The following ZNF618 variants were observed in gnomAD, a reference collection of about 807,000 sequenced individuals.
ZNF618 encodes the protein zinc finger protein 618.
In ZNF618, 34 loss-of-function variants were observed where a neutral mutation model predicts 103.0. The ratio of observed to expected loss-of-function variants is 0.33; its 90% CI spans 0.25 to 0.44. The LOEUF is 0.44. Ranked by LOEUF, ZNF618 falls within the 20% of genes least tolerant of loss-of-function variation. The pLI is 1.00. For synonymous variants in ZNF618, 551 were observed against 542.2 expected, an observed-to-expected ratio of 1.02 and a Z score of -0.23; for missense variants, 1,059 against 1,295.4, an observed-to-expected ratio of 0.82 and a Z score of 2.80.
intron 1 of ZNF618, among the ~76,000 whole-genome samples, chr9:113,935,519 T>C (rs1833952272): frequency 6.6e-6 from 1 of 152,188 alleles, no homozygotes; most frequent in Non-Finnish European, 1.5e-5. Context: ...GAGCGTGTCC[T>C]TGTTGCGGGT....
intron 1 of ZNF618, among the ~76,000 whole-genome samples, chr9:113,953,348 A>G (rs1354078060): frequency 6.6e-6 from 1 of 152,186 alleles, no homozygotes; most frequent in Admixed American, 6.5e-5. Flanking sequence ...TCATCCTAAT[A>G]CCTGCCTCTA....
intron 6 of ZNF618, among the ~76,000 whole-genome samples, chr9:114,005,775 A>T (rs1468771966): frequency 6.6e-6 from 1 of 152,336 alleles, no homozygotes; most frequent in Non-Finnish European, 1.5e-5. Context: ...TGCTGGCTAC[A>T]TGAAAGGATT....
intron 1 of ZNF618, among the ~76,000 whole-genome samples, chr9:113,938,305 C>T (rs1834216669): frequency 6.7e-6 from 1 of 149,372 alleles, no homozygotes; most frequent in Admixed American, 6.7e-5. Flanking sequence ...TCCCAAGTAG[C>T]TGGGGCTACA....
At chr9:114,020,294 C>G (rs1441914775) in intron 10 of ZNF618, among the ~76,000 whole-genome samples, 2 of 152,072 alleles carry the variant, frequency 1.3e-5, no homozygotes, top group African/African-American at 4.8e-5. Flanking sequence ...TTTGGCTATT[C>G]TAGAAACTTT....
chr9:113,901,423 G>C (rs1438012177), intron 1 of ZNF618, among the ~76,000 whole-genome samples: 1 of 152,224 alleles, frequency 6.6e-6, no homozygotes, highest in Admixed American at 6.5e-5. Context: ...CTGCTCTTGC[G>C]GCTGAGCTAG....
chr9:113,889,771 T>G (rs1829450697), intron 1 of ZNF618, among the ~76,000 whole-genome samples: 1 of 152,168 alleles, frequency 6.6e-6, no homozygotes, highest in Non-Finnish European at 1.5e-5. Context: ...TTTCCACCCT[T>G]CAGACGTCTG....
intron 2 of ZNF618, among the ~76,000 whole-genome samples, chr9:113,972,561 G>A (rs1159940157): frequency 2.6e-5 from 4 of 151,996 alleles, no homozygotes; most frequent in Non-Finnish European, 4.4e-5. Context: ...TGGTGGGAAG[G>A]GATCAGTTAA....
chr9:113,899,340 T>C (rs1460334455), intron 1 of ZNF618, among the ~76,000 whole-genome samples: 1 of 152,114 alleles, frequency 6.6e-6, no homozygotes, highest in Non-Finnish European at 1.5e-5. Flanking sequence ...CATTCCACTT[T>C]CTGTCTGTGT....
Position 113,995,644 on chromosome 9 carries a change from G to T in ZNF618, c.338-2615G>T, listed in dbSNP as rs567535102. On this transcript the variant is annotated intron_variant, in intron 3 of 14. Transcript: ENST00000374126. Reference sequence around the variant, plus strand: ...GTTGTATGCCAGAAATCACACAGGGGTCTATCATCAGATGATATTTTTAAT... The same window carrying T: ...GTTGTATGCCAGAAATCACACAGGGTTCTATCATCAGATGATATTTTTAAT... 7.0e-4 allele frequency among the ~76,000 whole-genome samples: 106 copies of T among 152,226 alleles called. 1 individual carries two copies. Among genetic ancestry groups the T allele is most frequent in the African/African-American group, 2.5e-3 (105 of 41,550 alleles).
rs1842676718 is a variant in ZNF618, at chr9:114,016,780, C to G, written c.840C>G (p.Pro280=). 1 of 1,612,440 alleles carries G rather than the reference C, an allele frequency of 6.2e-7. No individual in the cohort carries two copies. Among genetic ancestry groups the G allele is most frequent in the Non-Finnish European group, 8.5e-7 (1 of 1,179,110 alleles). The change falls in exon 10 of 15, where the codon CCC becomes CCG. Residue 280 remains proline (P), a synonymous_variant. Transcript: ENST00000374126. ...AGGAGCATGTGGCCTTACACGCCCC[C>G]ATCAGTGAGTACCTCCTCCCGGTAG... ...PYQEHVALHA[P]ISTAPGWEPP... is the part of the protein sequence containing the mutation.
chr9:114,003,394 T>C (rs10739398), intron 6 of ZNF618, among the ~76,000 whole-genome samples: 48,810 of 152,136 alleles, frequency 0.32, 8,754 homozygotes, highest in East Asian at 0.61. Flanking sequence ...GAAACGGGTG[T>C]ATATCTGCTG....
intron 1 of ZNF618, among the ~76,000 whole-genome samples, chr9:113,884,198 A>G (rs934627968): frequency 7.9e-5 from 12 of 152,184 alleles, no homozygotes; most frequent in African/African-American, 2.9e-4. Flanking sequence ...AGCCACATGC[A>G]TGAGCTGGCC....
chr9:113,997,164 G>C (rs146792296), intron 3 of ZNF618, among the ~76,000 whole-genome samples: 195 of 151,330 alleles, frequency 1.3e-3, no homozygotes, highest in African/African-American at 4.3e-3. Context: ...CTGGAGTGCA[G>C]TGGCATAATC....
intron 1 of ZNF618, among the ~76,000 whole-genome samples, chr9:113,934,070 AAGAACTGATTGATCAGAGTCAGATG>A (rs1231055854): frequency 1.3e-5 from 2 of 152,172 alleles, no homozygotes; most frequent in Non-Finnish European, 2.9e-5. Flanking sequence ...AAGGAGATCC[AAGAACTGATTGATCAGAGTCAGATG>A]AGTTGTTAGT....
intron 1 of ZNF618, among the ~76,000 whole-genome samples, chr9:113,900,675 G>A (rs1198914596): frequency 6.8e-6 from 1 of 147,104 alleles, no homozygotes; most frequent in African/African-American, 2.6e-5. Context: ...GTCCTCTCCC[G>A]CAAACCCGAC....
intron 10 of ZNF618, among the ~76,000 whole-genome samples, chr9:114,021,042 T>C (rs35354748): frequency 6.6e-6 from 1 of 152,090 alleles, no homozygotes; most frequent in Admixed American, 6.5e-5. Flanking sequence ...GGTGATTCTG[T>C]GGATTCTTAT....
intron 4 of ZNF618, 95 bp from the exon 5 acceptor site, chr9:114,001,899 CAG>C: frequency 1.9e-6 from 2 of 1,054,640 alleles, no homozygotes; most frequent in East Asian, 2.4e-5. Flanking sequence ...GCCCCTGGGA[CAG>C]AGAGTTAGCC....
intron 9 of ZNF618, among the ~76,000 whole-genome samples, chr9:114,014,229 G>A (rs917585765): frequency 6.6e-5 from 10 of 152,142 alleles, no homozygotes; most frequent in Non-Finnish European, 1.5e-4. Context: ...AAAGCAAATG[G>A]CATAATCTCC....
rs1845978613 is a variant in ZNF618, at chr9:114,049,708, C to T, written c.2406C>T (p.His802=). ...LKENFKVHPA[H]KVAMILDPQQ... ...AGAACTTCAAGGTGCACCCGGCCCA[C>T]AAGGTGGCCATGATCCTGGACCCGC... Residue 802 remains histidine (H), a synonymous_variant, in exon 15 of 15, where the codon CAC becomes CAT. Coordinates refer to ENST00000374126, the MANE Select transcript of ZNF618 (RefSeq NM_001318042.2). 1 of 1,613,740 alleles carries T rather than the reference C, an allele frequency of 6.2e-7. No homozygotes were observed.
Sources: allele counts gnomAD v4.1 joint callset (sites outside exome capture counted in the v4.1 genomes callset), GRCh38; gene constraint gnomAD v4.1.1; transcripts MANE v1.5; gene names NCBI Gene and HGNC (gene_info 2026-07-23, HGNC 2026-07-21).